KIF16B: variants seen among roughly 807,000 people sequenced by gnomAD.
KIF16B encodes kinesin family member 16B, also known as kinesin-like protein KIF16B.
KIF16B carries 98 observed loss-of-function variants against 156.3 expected under a neutral mutation model. The observed-to-expected ratio is 0.63, with a 90% CI of 0.53 to 0.74. The LOEUF (loss-of-function observed/expected upper bound fraction) is 0.74. KIF16B is among the 30% of genes least tolerant of loss of function. The pLI, the probability that KIF16B is intolerant of heterozygous loss-of-function variation, is 0.00. For missense variants in KIF16B, 1,421 were observed against 1,606.5 expected, an observed-to-expected ratio of 0.88 and a Z score of 1.97; for synonymous variants, 564 against 583.7, an observed-to-expected ratio of 0.97 and a Z score of 0.49.
At chr20:16,393,513 G>C (rs2065420922) in intron 17 of KIF16B, among the ~76,000 whole-genome samples, 1 of 152,202 alleles carries the variant, frequency 6.6e-6, no homozygotes, top group Non-Finnish European at 1.5e-5. Context: ...CAGGTTAAGA[G>C]TCATGGTCTG....
intron 3 of KIF16B, among the ~76,000 whole-genome samples, chr20:16,518,767 G>C (rs1266448877): frequency 6.6e-6 from 1 of 152,008 alleles, no homozygotes; most frequent in East Asian, 1.9e-4. Context: ...TCAAGGTTAA[G>C]GGAAAATTGA....
rs755282749 is a variant in KIF16B, at chr20:16,505,852, A to C, written c.870T>G (p.Ala290=). ...VTLGNVISAL[A]DLSQDAANTL... is the part of the protein sequence containing the mutation. ...TATTTGCAGCATCCTGAGATAAATCAGCTATGAAAAGGAAGAAACAAAGGG... is the reference window on the plus strand; with the variant it reads ...TATTTGCAGCATCCTGAGATAAATCCGCTATGAAAAGGAAGAAACAAAGGG... The change falls in exon 9 of 26, where the codon GCT becomes GCG. Residue 290 remains alanine (A), a splice_region_variant and synonymous_variant. Coordinates refer to ENST00000354981, the MANE Select transcript of KIF16B (RefSeq NM_024704.5). 2 of 1,613,330 alleles carry C rather than the reference A, an allele frequency of 1.2e-6. No individual in the cohort carries two copies. Among genetic ancestry groups the C allele is most frequent in the African/African-American group, 2.7e-5 (2 of 74,898 alleles).
intron 6 of KIF16B, 101 bp from the exon 7 acceptor site, chr20:16,508,201 T>C (rs905891982): frequency 3.7e-6 from 5 of 1,342,458 alleles, no homozygotes; most frequent in Non-Finnish European, 5.2e-6. Flanking sequence ...CAAAATCTGC[T>C]GACCTGTCTG....
chr20:16,434,624 C>T (rs930772675), intron 12 of KIF16B, among the ~76,000 whole-genome samples: 1 of 152,132 alleles, frequency 6.6e-6, no homozygotes, highest in Non-Finnish European at 1.5e-5. Flanking sequence ...ATAAGAATTG[C>T]GTGTCTTCAC....
intron 12 of KIF16B, among the ~76,000 whole-genome samples, chr20:16,481,185 T>C (rs1458711281): frequency 6.6e-6 from 1 of 152,142 alleles, no homozygotes; most frequent in Non-Finnish European, 1.5e-5. Flanking sequence ...TGATTCTGAG[T>C]GGAAACCACT....
At chr20:16,326,006 C>T (rs1333711863) in intron 24 of KIF16B, among the ~76,000 whole-genome samples, 1 of 152,032 alleles carries the variant, frequency 6.6e-6, no homozygotes, top group Non-Finnish European at 1.5e-5. Flanking sequence ...ATACTTACAG[C>T]CAACTGATCT....
chr20:16,296,724 G>A (rs1357245413), intron 25 of KIF16B, among the ~76,000 whole-genome samples: 3 of 152,216 alleles, frequency 2.0e-5, no homozygotes, highest in Admixed American at 6.5e-5. Context: ...CAACACAGCC[G>A]TATCTGGGGT....
chr20:16,352,690 A>T (rs2064361508), intron 23 of KIF16B, among the ~76,000 whole-genome samples: 1 of 152,236 alleles, frequency 6.6e-6, no homozygotes, highest in African/African-American at 2.4e-5. Context: ...ATGACTAATG[A>T]GTCCTACCTA....
intron 1 of KIF16B, among the ~76,000 whole-genome samples, chr20:16,550,369 G>T (rs1184533820): frequency 1.3e-5 from 2 of 151,852 alleles, no homozygotes; most frequent in Non-Finnish European, 2.9e-5. Context: ...AGAGGATGTG[G>T]AGAAATAGGA....
Position 16,379,923 on chromosome 20 carries a change from C to T in KIF16B, c.2079G>A (p.Gln693=), listed in dbSNP as rs1409823419. The T allele has an allele frequency of 6.2e-7, 1 of 1,614,182 alleles. No homozygotes were observed. The highest frequency in any genetic ancestry group is 8.5e-7 in the Non-Finnish European group (1 of 1,180,034). The change falls in exon 19 of 26, where the codon CAG becomes CAA. Residue 693 remains glutamine, a synonymous_variant. Coordinates refer to ENST00000354981, the MANE Select transcript of KIF16B (RefSeq NM_024704.5). ...RLREQQEIEL[Q]KKRQEEETFL... Reference sequence around the variant, plus strand: ...AGGTCTCTTCTTCTTGTCTCTTCTTCTGCAGCTCGATTTCCTGCTGTTCCC... The same window carrying T: ...AGGTCTCTTCTTCTTGTCTCTTCTTTTGCAGCTCGATTTCCTGCTGTTCCC...
At chr20:16,418,096 CAATGTACTG>C (rs1411525421) in intron 15 of KIF16B, among the ~76,000 whole-genome samples, 2 of 150,876 alleles carry the variant, frequency 1.3e-5, no homozygotes, top group African/African-American at 4.9e-5. Context: ...ATTGTAAAGC[CAATGTACTG>C]AATGTAAAGC....
intron 1 of KIF16B, among the ~76,000 whole-genome samples, chr20:16,540,541 G>C: frequency 6.6e-6 from 1 of 152,198 alleles, no homozygotes; most frequent in Non-Finnish European, 1.5e-5. Flanking sequence ...CCATGAAACA[G>C]ACAGCTCCTC....
In KIF16B at chr20:16,316,402, A is replaced by G. The variant is rs541251858; in HGVS notation, c.3712-3984T>C. ...ATTAAAGTAGTGAAAGCATTGGGAT[A>G]GCAGGGCAGGTGGCACAGGAGGCCA... is the stretch of plus-strand genomic sequence containing the variant. On this transcript the variant is annotated intron_variant, in intron 24 of 25. Transcript: ENST00000354981. 3.3e-5 allele frequency among the ~76,000 whole-genome samples: 5 copies of G among 152,376 alleles called. No individual in the cohort carries two copies. The South Asian group carries it at 1.0e-3, about 32-fold the overall frequency.
At chr20:16,438,662 A>G (rs750632683) in intron 12 of KIF16B, among the ~76,000 whole-genome samples, 38 of 152,156 alleles carry the variant, frequency 2.5e-4, no homozygotes, top group Non-Finnish European at 4.7e-4. Context: ...AGCTCTGTCA[A>G]CTGCCTCAAC....
At chr20:16,528,341 G>C (rs74412819) in intron 2 of KIF16B, 30 bp downstream of exon 2, 97 of 1,568,502 alleles carry the variant, frequency 6.2e-5, no homozygotes, top group Non-Finnish European at 8.3e-5. Flanking sequence ...GGGGCTCTTG[G>C]AACTTAAGCA....
intron 17 of KIF16B, chr20:16,382,204 G>A: frequency 1.0e-6 from 1 of 976,098 alleles, no homozygotes; most frequent in South Asian, 1.5e-5. Flanking sequence ...CATTTAATAG[G>A]AAGGAATATC....
chr20:16,495,658 C>G (rs2068428650), intron 11 of KIF16B, among the ~76,000 whole-genome samples: 1 of 152,140 alleles, frequency 6.6e-6, no homozygotes, highest in South Asian at 2.1e-4. Flanking sequence ...CTCCCTAACT[C>G]TGTGCTTTGC....
intron 24 of KIF16B, among the ~76,000 whole-genome samples, chr20:16,330,003 C>T (rs967013979): frequency 2.0e-5 from 3 of 152,056 alleles, no homozygotes; most frequent in Non-Finnish European, 4.4e-5. Flanking sequence ...GTTTTTTATT[C>T]ATATAATCTG....
chr20:16,502,004 G>A (rs1036275312), intron 10 of KIF16B, among the ~76,000 whole-genome samples: 6 of 152,126 alleles, frequency 3.9e-5, no homozygotes, highest in Middle Eastern at 3.4e-3. Context: ...GGGATAATAC[G>A]TCAATAAAAA....
Sources: allele counts gnomAD v4.1 joint callset (sites outside exome capture counted in the v4.1 genomes callset), GRCh38; gene constraint gnomAD v4.1.1; transcripts MANE v1.5; gene names NCBI Gene and HGNC (gene_info 2026-07-23, HGNC 2026-07-21).